The following PPWD1 variants were observed in gnomAD, a reference collection of about 807,000 sequenced individuals.
PPWD1 encodes peptidylprolyl isomerase domain and WD repeat-containing protein 1.
In PPWD1, 43 loss-of-function variants were observed where a neutral mutation model predicts 68.8. That is an observed-to-expected ratio of 0.62 (90% CI 0.49 to 0.81). The LOEUF (loss-of-function observed/expected upper bound fraction) is 0.81. PPWD1 is among the 30% of genes least tolerant of loss of function. The pLI is 0.00. For synonymous variants in PPWD1, 232 were observed against 258.7 expected, an observed-to-expected ratio of 0.90 and a Z score of 0.99; for missense variants, 672 against 804.8, an observed-to-expected ratio of 0.83 and a Z score of 2.00.
chr5:65,582,993 T>C, intron 7 of PPWD1, 45 bp from the exon 8 acceptor site: 1 of 1,457,190 alleles, frequency 6.9e-7, no homozygotes, highest in Non-Finnish European at 9.1e-7. Flanking sequence ...TTTTACCAGA[T>C]GAAAACTTTA....
intron 1 of PPWD1, among the ~76,000 whole-genome samples, chr5:65,566,382 C>T (rs982730284): frequency 6.6e-5 from 10 of 152,174 alleles, no homozygotes; most frequent in African/African-American, 2.2e-4. Context: ...AGTTATATCC[C>T]AGTTCCAAGC....
intron 1 of PPWD1, among the ~76,000 whole-genome samples, chr5:65,566,606 C>T (rs1561720775): frequency 6.6e-6 from 1 of 152,134 alleles, no homozygotes; most frequent in Non-Finnish European, 1.5e-5. Context: ...AAGCCTGAAA[C>T]AGCTCGTCAT....
intron 4 of PPWD1, 25 bp downstream of exon 4, chr5:65,570,023 A>ATT: frequency 6.4e-7 from 1 of 1,571,046 alleles, no homozygotes; most frequent in Non-Finnish European, 8.7e-7. Flanking sequence ...AAGTATATAT[A>ATT]TTTTAACTTA....
chr5:65,568,602 A>G (rs1752876415), intron 2 of PPWD1, among the ~76,000 whole-genome samples: 1 of 152,072 alleles, frequency 6.6e-6, no homozygotes, highest in Non-Finnish European at 1.5e-5. Flanking sequence ...ATACAGGGAG[A>G]TAAGTTAGGA....
At chr5:65,573,439 T>G (rs1388264034) in intron 5 of PPWD1, among the ~76,000 whole-genome samples, 1 of 128,336 alleles carries the variant, frequency 7.8e-6, no homozygotes, top group Non-Finnish European at 1.6e-5. Context: ...ACTATAGGCG[T>G]GTGCCACCAC....
chr5:65,563,648 A>C, intron 1 of PPWD1, 142 bp downstream of exon 1: 1 of 1,339,590 alleles, frequency 7.5e-7, no homozygotes. Flanking sequence ...TGGCTACTCC[A>C]TACTTGCATG....
At chr5:65,579,983 G>A (rs979957902) in intron 7 of PPWD1, among the ~76,000 whole-genome samples, 1 of 152,056 alleles carries the variant, frequency 6.6e-6, no homozygotes, top group Non-Finnish European at 1.5e-5. Flanking sequence ...CCCCAAATTA[G>A]CACAGCTTCC....
chr5:65,569,087 T>C, intron 2 of PPWD1: 1 of 452,004 alleles, frequency 2.2e-6, no homozygotes, highest in Non-Finnish European at 4.4e-6. Context: ...AGGTAATATG[T>C]ACAAAGTACC....
At chr5:65,565,252 A>C (rs547397376) in intron 1 of PPWD1, among the ~76,000 whole-genome samples, 4 of 152,346 alleles carry the variant, frequency 2.6e-5, no homozygotes, top group African/African-American at 9.6e-5. Context: ...TGCTTGGTGT[A>C]CAGTGCTTTG....
chr5:65,563,349 T>C lies in PPWD1; in HGVS notation c.39T>C (p.Arg13=), dbSNP rs1752388483. 9 of 1,613,800 alleles carry C rather than the reference T, an allele frequency of 5.6e-6. No individual in the cohort carries two copies. Among genetic ancestry groups the C allele is most frequent in the South Asian group, 2.2e-5 (2 of 91,064 alleles). The part of the protein sequence containing the change: ...AESGSDFQQR[R]RRRRDPEEPE... ...GTGGTAGCGATTTTCAGCAGAGACG[T>C]AGAAGGCGCCGGGACCCGGAGGAAC... is the stretch of plus-strand genomic sequence containing the variant. Residue 13 remains arginine (R), a synonymous_variant, in exon 1 of 11, where the codon CGT becomes CGC. Transcript: ENST00000261308.
rs1431720117 is a variant in PPWD1 at position 65,563,648 on chromosome 5, A to G, written c.196+142A>G. The G allele has an allele frequency of 3.0e-6, 4 of 1,339,474 alleles. No homozygotes were observed. In the East Asian group the frequency reaches 1.0e-4, roughly 34 times the overall value. 83.0% of individuals were successfully genotyped at this position (1,339,474 alleles called of 1,614,324 possible). A position where few individuals can be genotyped will look rare whatever the true frequency, so the allele number is the denominator to read the frequency against. Reference sequence around the variant, plus strand: ...CCGTCCTCTCACTTCTGGCTACTCCATACTTGCATGTCTTAACGAAATAGT... The same window carrying G: ...CCGTCCTCTCACTTCTGGCTACTCCGTACTTGCATGTCTTAACGAAATAGT... On this transcript the variant is annotated intron_variant, in intron 1 of 10. Coordinates refer to ENST00000261308, the MANE Select transcript of PPWD1 (RefSeq NM_015342.4).
intron 7 of PPWD1, 73 bp from the exon 8 acceptor site, chr5:65,582,965 T>C: frequency 6.9e-7 from 1 of 1,441,764 alleles, no homozygotes; most frequent in Non-Finnish European, 9.2e-7. Context: ...TCATTAGAAA[T>C]TCTATTGTTC....
In PPWD1 at chr5:65,577,061, G is replaced by C. The variant is rs1212256761; in HGVS notation, c.1152G>C (p.Glu384Asp). ...TGGGCATTAAAGTTATAAATGTAGA[G>C]ACAAACCGGTAAGCTTTAATATGAG... The part of the protein sequence containing the change: ...TMLGIKVINV[E>D]TNRCVRILGK... Residue 384 changes from glutamate (E) to aspartate (D), a missense_variant, in exon 6 of 11, where the codon GAG becomes GAC. By Grantham distance (45) the Glu-to-Asp change is conservative. This residue lies in a region of PPWD1 where 484 missense variants were observed against 646.2 expected (regional missense o/e 0.75). Coordinates refer to ENST00000261308, the MANE Select transcript of PPWD1 (RefSeq NM_015342.4). 1.2e-6 allele frequency: 2 copies of C among 1,610,790 alleles called. No individual in the cohort carries two copies. Among genetic ancestry groups the C allele is most frequent in the Non-Finnish European group, 1.7e-6 (2 of 1,177,860 alleles).
At chr5:65,569,396 A>G (rs930172992) in intron 2 of PPWD1, 1 of 339,914 alleles carries the variant, frequency 2.9e-6, no homozygotes, top group African/African-American at 2.2e-5. Context: ...TTCTAGTTCA[A>G]TTCTGATCCT....
Position 65,563,428 on chromosome 5 carries a change from C to CAGGAGAACGATG in PPWD1, c.129_140dup (p.Asp43_Asn46dup), listed in dbSNP as rs772956521. 2 of 1,613,942 alleles carry CAGGAGAACGATG rather than the reference C, an allele frequency of 1.2e-6. No homozygotes were observed. The highest frequency in any genetic ancestry group is 1.7e-6 in the Non-Finnish European group (2 of 1,180,018). ...GCTGGCAGTAGCAGTGGCGGTGTCCCAGGAGAACGATGAGGAGAACGAAGA... is the reference window on the plus strand; with the variant it reads ...GCTGGCAGTAGCAGTGGCGGTGTCCCAGGAGAACGATGAGGAGAACGATGAGGAGAACGAAGA... On this transcript the variant is annotated inframe_insertion, in exon 1 of 11. Transcript: ENST00000261308.
chr5:65,587,440 TA>T lies in PPWD1; in HGVS notation c.*47del, dbSNP rs760037263. ...GTACTTGCAAATAAAAATACAATATTAAACAGATTATTTTACATTAGGAAGC... is the reference window on the plus strand; with the variant it reads ...GTACTTGCAAATAAAAATACAATATTAACAGATTATTTTACATTAGGAAGC... On this transcript the variant is annotated 3_prime_UTR_variant, in exon 11 of 11. Transcript: ENST00000261308. 2 of 1,447,182 alleles carry T rather than the reference TA, an allele frequency of 1.4e-6. No homozygotes were observed. The highest frequency in any genetic ancestry group is 1.9e-6 in the Non-Finnish European group (2 of 1,056,926). 89.6% of individuals were successfully genotyped at this position (1,447,182 alleles called of 1,614,324 possible). A position where few individuals can be genotyped will look rare whatever the true frequency, so the allele number is the denominator to read the frequency against.
intron 6 of PPWD1, among the ~76,000 whole-genome samples, chr5:65,578,913 TTTTTG>T (rs1415517350): frequency 6.6e-6 from 1 of 151,638 alleles, no homozygotes; most frequent in Non-Finnish European, 1.5e-5. Context: ...CTTGATTGGT[TTTTTG>T]TTGTTGTTGT....
chr5:65,579,470 T>C lies in PPWD1; in HGVS notation c.1207T>C (p.Leu403=), dbSNP rs760629470. 4 of 1,596,334 alleles carry C rather than the reference T, an allele frequency of 2.5e-6. No homozygotes were observed. Among genetic ancestry groups the C allele is most frequent in the East Asian group, 2.3e-5 (1 of 43,862 alleles). Residue 403 remains leucine, a synonymous_variant, in exon 7 of 11, where the codon TTG becomes CTG. Coordinates refer to ENST00000261308, the MANE Select transcript of PPWD1 (RefSeq NM_015342.4). ...ACAAGAAAATATTAGAGTGATGCAA[T>C]TGGCTTTGTTCCAGGGGATAGCCAA... ...GKQENIRVMQ[L]ALFQGIAKKH...
At chr5:65,585,184 CT>C in intron 9 of PPWD1, 89 bp downstream of exon 9, 1 of 1,301,078 alleles carries the variant, frequency 7.7e-7, no homozygotes, top group Non-Finnish European at 1.1e-6. Flanking sequence ...TTCTCTCACA[CT>C]TAATCAGTTT....
Sources: allele counts gnomAD v4.1 joint callset (sites outside exome capture counted in the v4.1 genomes callset), GRCh38; gene constraint gnomAD v4.1.1; regional missense constraint gnomAD v4.1.1; transcripts MANE v1.5; gene names NCBI Gene and HGNC (gene_info 2026-07-23, HGNC 2026-07-21).